The following OGA variants were observed in gnomAD, a reference collection of about 807,000 sequenced individuals.
The protein encoded by OGA is O-GlcNAcase, also known as protein O-GlcNAcase.
In OGA, 21 loss-of-function variants were observed where a neutral mutation model predicts 102.0. That is an observed-to-expected ratio of 0.21 (90% CI 0.15 to 0.30). OGA has a LOEUF of 0.30. Ranked by LOEUF, OGA falls within the 10% of genes least tolerant of loss-of-function variation. The probability of loss-of-function intolerance (pLI) is 1.00; values close to 1 mark genes in which losing one functional copy is unlikely to be tolerated. For synonymous variants in OGA, 408 were observed against 378.2 expected (o/e 1.08, Z -0.91); for missense variants, 765 against 1,107.8 (o/e 0.69, Z 4.39).
Position 101,806,034 on chromosome 10 carries a change from A to T in OGA, c.751+11T>A, listed in dbSNP as rs768930263. ...ATTCAACTTTGACTGTATAAATCTT[A>T]AAAGACTTACCTGTCCAAAGCACTT... On this transcript the variant is annotated intron_variant, in intron 6 of 15. Transcript: ENST00000361464. The T allele has an allele frequency of 1.3e-6, 2 of 1,560,906 alleles. No individual in the cohort carries two copies. The highest frequency in any genetic ancestry group is 2.2e-5 in the East Asian group (1 of 44,592).
chr10:101,812,862 G>T, intron 3 of OGA, 168 bp downstream of exon 3: 1 of 688,978 alleles, frequency 1.5e-6, no homozygotes, highest in South Asian at 1.5e-5. Flanking sequence ...CCTTGCTAGC[G>T]CAGAGCACTC....
chr10:101,789,220 C>T (rs2065227750), intron 14 of OGA, among the ~76,000 whole-genome samples: 1 of 152,184 alleles, frequency 6.6e-6, no homozygotes, highest in African/African-American at 2.4e-5. Flanking sequence ...AAAATGAGGC[C>T]AGGCGCGGTG....
In OGA at chr10:101,813,593, T is replaced by C; in HGVS notation, c.213A>G (p.Arg71=). 6.4e-7 allele frequency: 1 copy of C among 1,557,758 alleles called. No individual in the cohort carries two copies. The highest frequency in any genetic ancestry group is 8.8e-7 in the Non-Finnish European group (1 of 1,136,354). The part of the protein sequence containing the change: ...LCGVVEGFYG[R]PWVMEQRKEL... ...CTTTTCTCTGTTCCATAACCCAAGG[T>C]CTTCCATAAAATCCTAGATTCAAAG... The change falls in exon 2 of 16, where the codon AGA becomes AGG. Residue 71 remains arginine, a synonymous_variant. Coordinates refer to ENST00000361464, the MANE Select transcript of OGA (RefSeq NM_012215.5).
chr10:101,810,433 T>G, intron 3 of OGA, 119 bp from the exon 4 acceptor site: 1 of 951,596 alleles, frequency 1.1e-6, no homozygotes, highest in Non-Finnish European at 1.5e-6. Context: ...GATCCTCACA[T>G]TTTACAAATT....
At chr10:101,814,675 C>G (rs1270260405) in intron 1 of OGA, among the ~76,000 whole-genome samples, 1 of 152,210 alleles carries the variant, frequency 6.6e-6, no homozygotes, top group African/African-American at 2.4e-5. Flanking sequence ...AACAGCCTAA[C>G]TGGCCCAAAC....
chr10:101,803,613 C>A (rs374126003), intron 7 of OGA, 122 bp downstream of exon 7: 76 of 1,086,960 alleles, frequency 7.0e-5, no homozygotes, highest in East Asian at 5.4e-4. Flanking sequence ...AAACAAAATA[C>A]GTTTTTAAAA....
At chr10:101,799,784 C>T (rs1213370645) in intron 8 of OGA, among the ~76,000 whole-genome samples, 1 of 152,144 alleles carries the variant, frequency 6.6e-6, no homozygotes, top group Non-Finnish European at 1.5e-5. Context: ...ATATTTAAGA[C>T]CAAAAGTAAG....
At chr10:101,795,597 T>TTC (rs1266044192) in intron 10 of OGA, among the ~76,000 whole-genome samples, 1 of 151,806 alleles carries the variant, frequency 6.6e-6, no homozygotes, top group Non-Finnish European at 1.5e-5. Flanking sequence ...AAAGGAAGGG[T>TTC]TCCAATCAGT....
chr10:101,810,108 C>A, intron 4 of OGA, 76 bp downstream of exon 4: 2 of 1,311,580 alleles, frequency 1.5e-6, no homozygotes, highest in Non-Finnish European at 2.1e-6. Flanking sequence ...TTCCTTTTAA[C>A]ATCGTAAAAG....
chr10:101,797,519 C>A, intron 10 of OGA: 1 of 178,308 alleles, frequency 5.6e-6, no homozygotes, highest in Non-Finnish European at 1.2e-5. Flanking sequence ...AGCTCGCATG[C>A]GCACAGGGCT....
intron 5 of OGA, among the ~76,000 whole-genome samples, chr10:101,806,990 A>T (rs1038164377): frequency 5.9e-5 from 9 of 152,118 alleles, no homozygotes; most frequent in South Asian, 4.1e-4. Context: ...TTTAAAAAAA[A>T]TTTTTTTAAA....
chr10:101,817,815 G>A lies in OGA; in HGVS notation c.199+9C>T, dbSNP rs2065660249. ...AGTGCCAAAACGGGGAGGGAAGGAG[G>A]GCGCTCACCTTCCACCACACCGCAG... On this transcript the variant is annotated intron_variant, in intron 1 of 15. Coordinates refer to ENST00000361464, the MANE Select transcript of OGA (RefSeq NM_012215.5). 2.0e-6 allele frequency: 3 copies of A among 1,536,770 alleles called. No individual in the cohort carries two copies. Among genetic ancestry groups the A allele is most frequent in the African/African-American group, 1.4e-5 (1 of 72,888 alleles).
rs1423418007 is a variant in OGA at position 101,792,919 on chromosome 10, T to A, written c.2095A>T (p.Asn699Tyr). The A allele has an allele frequency of 6.2e-7, 1 of 1,613,708 alleles. No individual in the cohort carries two copies. The highest frequency in any genetic ancestry group is 1.1e-5 in the South Asian group (1 of 91,066). ...FQRLLPIDGA[N>Y]DLFFQPPPLT... ...GGAGGTGGCTGAAAAAAGAGATCAT[T>A]TGCCCCATCAATTGGCAGCAAACGC... The change falls in exon 12 of 16, where the codon AAT becomes TAT. Residue 699 changes from asparagine (N) to tyrosine (Y), a missense_variant. Around this residue, in one of 7 missense-constraint regions of OGA, gnomAD observed 146 missense variants for 269.7 expected, o/e 0.54. Coordinates refer to ENST00000361464, the MANE Select transcript of OGA (RefSeq NM_012215.5).
chr10:101,813,417 G>C, intron 2 of OGA, 138 bp downstream of exon 2: 1 of 617,904 alleles, frequency 1.6e-6, no homozygotes, highest in South Asian at 2.6e-5. Flanking sequence ...AAGAAAAAAG[G>C]GACCAAGGTA....
chr10:101,818,265 A>T lies in OGA; in HGVS notation c.-243T>A, dbSNP rs2065669531. 2.3e-6 allele frequency: 3 copies of T among 1,304,836 alleles called. No homozygotes were observed. The highest frequency in any genetic ancestry group is 2.9e-6 in the Non-Finnish European group (3 of 1,027,442). The allele number at this position is 1,304,836 out of a possible 1,614,324, so 80.8% of individuals were successfully genotyped here. A position where few individuals can be genotyped will look rare whatever the true frequency, so the allele number is the denominator to read the frequency against. ...CTCGGCTTTAAGCTGGGGCGCCAGA[A>T]GCCTAAGCGGAGAGCGAGGCTGTGA... On this transcript the variant is annotated 5_prime_UTR_variant, in exon 1 of 16. Coordinates refer to ENST00000361464, the MANE Select transcript of OGA (RefSeq NM_012215.5).
intron 10 of OGA, among the ~76,000 whole-genome samples, chr10:101,796,623 T>G (rs1010749963): frequency 6.6e-6 from 1 of 151,946 alleles, no homozygotes; most frequent in Admixed American, 6.6e-5. Context: ...CAGGCTGGAG[T>G]GCAATGGTGT....
At chr10:101,791,322 T>C in intron 13 of OGA, 32 bp downstream of exon 13, 3 of 1,546,174 alleles carry the variant, frequency 1.9e-6, no homozygotes, top group Non-Finnish European at 2.7e-6. Context: ...CTATGAAAGG[T>C]CTACTCTCAA....
intron 1 of OGA, among the ~76,000 whole-genome samples, chr10:101,816,922 C>T (rs542539383): frequency 6.6e-6 from 1 of 152,076 alleles, no homozygotes; most frequent in Non-Finnish European, 1.5e-5. Flanking sequence ...CCATTACATA[C>T]GAGAGAGATA....
At position 101,784,923 on chromosome 10, in the gene OGA, C is replaced by G. The variant is rs1447165974; in HGVS notation, c.*1528G>C. On this transcript the variant is annotated 3_prime_UTR_variant, in exon 16 of 16. Coordinates refer to ENST00000361464, the MANE Select transcript of OGA (RefSeq NM_012215.5). ...AAGGTTTCTAACCTAAAAACCTTCT[C>G]TCCTTTCTTCTCACCTATTTAGTGC... 3 of 152,206 alleles carry G rather than the reference C, an allele frequency of 2.0e-5. No individual in the cohort carries two copies. The highest frequency in any genetic ancestry group is 4.4e-5 in the Non-Finnish European group (3 of 68,038). The allele number at this position is 152,206 out of a possible 1,614,324, so 9.4% of individuals were successfully genotyped here.
Sources: gnomAD v4.1 joint callset for allele counts (sites outside exome capture counted in the v4.1 genomes callset) on GRCh38, gnomAD v4.1.1 for gene constraint, gnomAD v4.1.1 regional missense constraint, MANE v1.5 for transcripts, NCBI Gene and HGNC (gene_info 2026-07-23, HGNC 2026-07-21) for gene names.